The following TRPM7 variants were observed in gnomAD, a reference collection of about 807,000 sequenced individuals.
TRPM7 encodes LTRPC ion channel family member 7.
TRPM7 carries 134 observed loss-of-function variants against 229.7 expected under a neutral mutation model. The observed-to-expected ratio is 0.58, with a 90% confidence interval of 0.51 to 0.67. The LOEUF is 0.67. TRPM7 is among the 30% of genes least tolerant of loss of function. The pLI is 0.00. For missense variants in TRPM7, 1,901 were observed against 2,210.0 expected, an observed-to-expected ratio of 0.86 and a Z score of 2.80; for synonymous variants, 699 against 715.2, an observed-to-expected ratio of 0.98 and a Z score of 0.36.
chr15:50,594,698 G>T, intron 23 of TRPM7, 85 bp from the exon 24 acceptor site: 2 of 910,838 alleles, frequency 2.2e-6, no homozygotes, highest in Non-Finnish European at 3.1e-6. Flanking sequence ...TTGTAATTCT[G>T]TACTAAATAA....
Position 50,629,511 on chromosome 15 carries a change from A to C in TRPM7, c.1205-1262T>G, listed in dbSNP as rs747225437. ...TGATCTCAAACTCCTGGGCTCAAGCAATCTGCTTGCCTCAGCCTCCCAAAA... is the reference window on the plus strand; with the variant it reads ...TGATCTCAAACTCCTGGGCTCAAGCCATCTGCTTGCCTCAGCCTCCCAAAA... On this transcript the variant is annotated intron_variant, in intron 10 of 38. Coordinates refer to ENST00000646667, the MANE Select transcript of TRPM7 (RefSeq NM_017672.6). Among the ~76,000 whole-genome samples, 59 of 135,938 alleles carry C rather than the reference A, an allele frequency of 4.3e-4. 4 individuals are homozygous for C. The highest frequency in any genetic ancestry group is 8.8e-4 in the Admixed American group (12 of 13,680). The allele number at this position is 135,938 out of a possible 152,430, so 89.2% of individuals were successfully genotyped here. A position where few individuals can be genotyped will look rare whatever the true frequency, so the allele number is the denominator to read the frequency against.
Position 50,589,633 on chromosome 15 carries a change from G to C in TRPM7, c.4348C>G (p.Gln1450Glu). ...FVGHRDSMDL[Q>E]RFKETSNKIK... ...TTGTTTGATGTTTCTTTAAACCTCTGTAAATCCATGCTATCTCTGTGTCCT... is the reference window on the plus strand; with the variant it reads ...TTGTTTGATGTTTCTTTAAACCTCTCTAAATCCATGCTATCTCTGTGTCCT... Residue 1450 changes from glutamine to glutamate, a missense_variant, in exon 27 of 39, where the codon CAG becomes GAG. Transcript: ENST00000646667. 1 of 1,594,858 alleles carries C rather than the reference G, an allele frequency of 6.3e-7. No individual in the cohort carries two copies.
intron 9 of TRPM7, among the ~76,000 whole-genome samples, 177 bp from the exon 10 acceptor site, chr15:50,631,666 A>G (rs2060737508): frequency 6.6e-6 from 1 of 152,106 alleles, no homozygotes; most frequent in African/African-American, 2.4e-5. Flanking sequence ...TATAGTTAGT[A>G]ACTTTATTTC....
At chr15:50,574,150 C>T (rs2054025930) in intron 36 of TRPM7, 124 bp downstream of exon 36, 16 of 768,716 alleles carry the variant, frequency 2.1e-5, no homozygotes, top group South Asian at 1.8e-4. Flanking sequence ...GATTAACTTG[C>T]TTTTTTATAG....
intron 3 of TRPM7, among the ~76,000 whole-genome samples, chr15:50,653,076 G>A (rs114665165): frequency 0.017 from 2,627 of 152,138 alleles, 90 homozygotes; most frequent in African/African-American, 0.061. Context: ...ACCTGAGCCC[G>A]GGAGGTCAAG....
chr15:50,634,788 G>A (rs139470329), intron 7 of TRPM7, among the ~76,000 whole-genome samples: 193 of 152,214 alleles, frequency 1.3e-3, no homozygotes, highest in Non-Finnish European at 2.1e-3. Flanking sequence ...CTTAAAAGCT[G>A]TTCTCTAAAT....
At chr15:50,622,095 AT>A (rs1338714918) in intron 12 of TRPM7, among the ~76,000 whole-genome samples, 1 of 152,198 alleles carries the variant, frequency 6.6e-6, no homozygotes, top group African/African-American at 2.4e-5. Context: ...GAAAAAAGAA[AT>A]AAGAACAAAT....
chr15:50,664,505 G>T (rs907264778), intron 1 of TRPM7, among the ~76,000 whole-genome samples: 1 of 151,968 alleles, frequency 6.6e-6, no homozygotes, highest in African/African-American at 2.4e-5. Flanking sequence ...GATAGAGAAG[G>T]TTATTACAAA....
chr15:50,607,586 G>T (rs1465322029), intron 19 of TRPM7, among the ~76,000 whole-genome samples: 1 of 152,082 alleles, frequency 6.6e-6, no homozygotes, highest in South Asian at 2.1e-4. Context: ...CCACAGAAGG[G>T]ATTTTACAAT....
At chr15:50,578,197 T>G (rs1277450931) in intron 31 of TRPM7, among the ~76,000 whole-genome samples, 3 of 152,150 alleles carry the variant, frequency 2.0e-5, no homozygotes, top group Non-Finnish European at 4.4e-5. Context: ...ACTATACACT[T>G]CGATAAAAGG....
Position 50,686,608 on chromosome 15 carries a change from G to A in TRPM7, c.-75C>T. 6.3e-7 allele frequency: 1 copy of A among 1,582,038 alleles called. No individual in the cohort carries two copies. ...CTCCGCGGCCTGTAGCCATCTATCGGGAAGCGTCTCCGGAGGCGGCAGCAG... is the reference window on the plus strand; with the variant it reads ...CTCCGCGGCCTGTAGCCATCTATCGAGAAGCGTCTCCGGAGGCGGCAGCAG... On this transcript the variant is annotated 5_prime_UTR_variant, in exon 1 of 39. Transcript: ENST00000646667.
intron 1 of TRPM7, among the ~76,000 whole-genome samples, chr15:50,682,384 C>T (rs1011775081): frequency 6.6e-6 from 1 of 151,772 alleles, no homozygotes; most frequent in East Asian, 1.9e-4. Context: ...TCGAGACCAG[C>T]CTGGCCAACA....
At chr15:50,585,319 T>C (rs907663921) in intron 28 of TRPM7, among the ~76,000 whole-genome samples, 6 of 152,192 alleles carry the variant, frequency 3.9e-5, no homozygotes, top group African/African-American at 1.4e-4. Flanking sequence ...TGCCTCGGCC[T>C]CCCAAAGTGC....
intron 1 of TRPM7, among the ~76,000 whole-genome samples, chr15:50,665,538 A>C (rs1252664640): frequency 6.6e-6 from 1 of 152,186 alleles, no homozygotes; most frequent in Non-Finnish European, 1.5e-5. Flanking sequence ...ACCAACATTC[A>C]ACACTTTATA....
At position 50,593,759 on chromosome 15, in the gene TRPM7, GA is replaced by G. The variant is rs558853834; in HGVS notation, c.3476-11del. On this transcript the variant is annotated splice_polypyrimidine_tract_variant and intron_variant, in intron 24 of 38. Transcript: ENST00000646667. ...TCTGTTAAGAAAAGTTCTATGGGAG[GA>G]AAAGGAGAAGAAAATCAAGGAAGAG... is the stretch of plus-strand genomic sequence containing the variant. 912 of 1,594,680 alleles carry G rather than the reference GA, an allele frequency of 5.7e-4. No individual in the cohort carries two copies. The highest frequency in any genetic ancestry group is 7.0e-4 in the Non-Finnish European group (819 of 1,174,636).
intron 11 of TRPM7, 70 bp downstream of exon 11, chr15:50,628,079 A>G: frequency 9.1e-7 from 1 of 1,102,634 alleles, no homozygotes; most frequent in South Asian, 1.4e-5. Flanking sequence ...GTCAGGTCAC[A>G]GTTCCCGCAA....
At position 50,624,271 on chromosome 15, in the gene TRPM7, A is replaced by T. The variant is rs1326668517; in HGVS notation, c.1335T>A (p.Asp445Glu). 6.2e-7 allele frequency: 1 copy of T among 1,611,418 alleles called. No homozygotes were observed. The change falls in exon 12 of 39, where the codon GAT becomes GAA. Residue 445 changes from aspartate to glutamate, a missense_variant. By Grantham distance (45) the Asp-to-Glu change is conservative. Transcript: ENST00000646667. ...ATGCAACTCTATCCATTACAAGAGC[A>T]TCAAGCATAGCTTGTTCCAAGGATC... ...LVGSLEQAML[D>E]ALVMDRVAFV...
At chr15:50,596,206 A>G (rs746203846) in intron 23 of TRPM7, 49 bp downstream of exon 23, 7 of 1,269,404 alleles carry the variant, frequency 5.5e-6, no homozygotes, top group Non-Finnish European at 6.3e-6. Context: ...AAATATGTAG[A>G]ATTGCATATT....
chr15:50,586,800 T>C (rs1402311660), intron 27 of TRPM7, among the ~76,000 whole-genome samples: 1 of 152,110 alleles, frequency 6.6e-6, no homozygotes, highest in Non-Finnish European at 1.5e-5. Flanking sequence ...GGGCGGATCA[T>C]GATGTCAAGA....
Sources: gnomAD v4.1 joint callset for allele counts (sites outside exome capture counted in the v4.1 genomes callset) on GRCh38, gnomAD v4.1.1 for gene constraint, MANE v1.5 for transcripts, NCBI Gene and HGNC (gene_info 2026-07-23, HGNC 2026-07-21) for gene names.